Variants in DPP6 observed in about 807,000 individuals in gnomAD.
DPP6 encodes dipeptidyl peptidase like 6, also known as A-type potassium channel modulatory protein DPP6.
DPP6 carries 69 observed loss-of-function variants against 122.6 expected under a neutral mutation model. The ratio of observed to expected loss-of-function variants is 0.56; its 90% CI spans 0.46 to 0.69. The LOEUF is 0.69. Ranked by LOEUF, DPP6 falls within the 30% of genes least tolerant of loss-of-function variation. The probability of loss-of-function intolerance (pLI) is 0.00; values close to 1 mark genes in which losing one functional copy is unlikely to be tolerated. For synonymous variants in DPP6, 418 were observed against 433.1 expected (o/e 0.97, Z 0.43); for missense variants, 928 against 1,116.9 (o/e 0.83, Z 2.41).
At chr7:154,031,846 T>G (rs540367985) in intron 1 of DPP6, among the ~76,000 whole-genome samples, 1 of 149,114 alleles carries the variant, frequency 6.7e-6, no homozygotes, top group East Asian at 2.0e-4. Flanking sequence ...GTCTCATTCT[T>G]TTTTCCTTTT....
chr7:154,885,887 G>A (rs1806111408), intron 22 of DPP6, 143 bp downstream of exon 22: 3 of 1,151,478 alleles, frequency 2.6e-6, no homozygotes, highest in African/African-American at 1.5e-5. Context: ...ACCTTGGGCT[G>A]ATGGAAGAAC....
intron 10 of DPP6, among the ~76,000 whole-genome samples, chr7:154,788,443 CA>C (rs11364637): frequency 0.3 from 33,668 of 111,830 alleles, 4,112 homozygotes; most frequent in African/African-American, 0.44. Flanking sequence ...GACTCTGCCT[CA>C]AAAAAAAAAA....
chr7:154,510,354 C>A (rs1394961526), intron 3 of DPP6, among the ~76,000 whole-genome samples: 1 of 152,130 alleles, frequency 6.6e-6, no homozygotes, highest in Non-Finnish European at 1.5e-5. Flanking sequence ...AACCTCAGAA[C>A]TTAAAAATCA....
chr7:154,238,835 G>A (rs529152814), intron 1 of DPP6, among the ~76,000 whole-genome samples: 1 of 152,268 alleles, frequency 6.6e-6, no homozygotes, highest in African/African-American at 2.4e-5. Flanking sequence ...AAAAACCCAA[G>A]GCCCAGAGAC....
intron 1 of DPP6, among the ~76,000 whole-genome samples, chr7:154,293,914 C>T (rs1197132088): frequency 2.6e-5 from 4 of 152,100 alleles, no homozygotes; most frequent in Non-Finnish European, 5.9e-5. Context: ...GTGCTAAGCG[C>T]ACACAGGATG....
chr7:154,356,251 A>G (rs1005477703), intron 1 of DPP6, among the ~76,000 whole-genome samples: 4 of 152,168 alleles, frequency 2.6e-5, no homozygotes, highest in Non-Finnish European at 4.4e-5. Context: ...AAAACTTGGC[A>G]TTTTATTTTA....
intron 1 of DPP6, among the ~76,000 whole-genome samples, chr7:154,024,808 A>C (rs1366963060): frequency 1.3e-5 from 2 of 152,030 alleles, no homozygotes; most frequent in Non-Finnish European, 1.5e-5. Flanking sequence ...TTCTCCTCCT[A>C]CTTTTCTCGC....
At chr7:153,805,196 C>A in the DPP6 span, among the ~76,000 whole-genome samples, 2 of 152,120 alleles carry the variant, frequency 1.3e-5, no homozygotes, top group African/African-American at 4.8e-5. Context: ...AATGTTGTTT[C>A]TTTTTCATTG....
At chr7:154,852,738 A>T (rs1802510588) in intron 16 of DPP6, among the ~76,000 whole-genome samples, 1 of 152,250 alleles carries the variant, frequency 6.6e-6, no homozygotes, top group South Asian at 2.1e-4. Flanking sequence ...TATGCTGATC[A>T]TTACATATTA....
chr7:154,409,366 T>C (rs572562326), intron 1 of DPP6, among the ~76,000 whole-genome samples: 12 of 152,244 alleles, frequency 7.9e-5, no homozygotes, highest in Middle Eastern at 3.4e-3. Flanking sequence ...AGGCCGCAGA[T>C]GAAAAGAGTC....
chr7:154,212,191 A>C (rs1183992773), intron 1 of DPP6, among the ~76,000 whole-genome samples: 2 of 152,186 alleles, frequency 1.3e-5, no homozygotes, highest in African/African-American at 4.8e-5. Context: ...AGAAAACGTT[A>C]GTGAGTCTTA....
intron 1 of DPP6, among the ~76,000 whole-genome samples, chr7:154,384,457 C>T (rs1813902080): frequency 6.6e-6 from 1 of 152,058 alleles, no homozygotes; most frequent in Non-Finnish European, 1.5e-5. Flanking sequence ...AGCAGGCATT[C>T]CCTGCAGTGG....
At chr7:154,108,020 G>A (rs1806297132) in intron 1 of DPP6, among the ~76,000 whole-genome samples, 1 of 152,122 alleles carries the variant, frequency 6.6e-6, no homozygotes, top group African/African-American at 2.4e-5. Context: ...TAATTCATGG[G>A]GACTGGACAA....
the DPP6 span, among the ~76,000 whole-genome samples, chr7:153,803,257 C>A: frequency 6.7e-6 from 1 of 148,826 alleles, no homozygotes; most frequent in Admixed American, 6.7e-5. Flanking sequence ...ATGTGTCAAC[C>A]TGAGTGGGAT....
At chr7:154,332,849 G>A (rs6948456) in intron 1 of DPP6, among the ~76,000 whole-genome samples, 64,443 of 152,066 alleles carry the variant, frequency 0.42, 15,826 homozygotes, top group East Asian at 0.7. Flanking sequence ...CACTCACCGT[G>A]CCCGCCCAGT....
intron 1 of DPP6, among the ~76,000 whole-genome samples, chr7:154,199,107 C>T (rs1362181931): frequency 6.6e-6 from 1 of 151,796 alleles, no homozygotes. Flanking sequence ...GGAGCCCTGG[C>T]CCCTGAGTCA....
At chr7:154,067,504 T>A (rs1585304208) in intron 1 of DPP6, among the ~76,000 whole-genome samples, 1 of 151,772 alleles carries the variant, frequency 6.6e-6, no homozygotes, top group South Asian at 2.1e-4. Context: ...TTCAGGGAGG[T>A]ATGTGGGCCT....
intron 7 of DPP6, among the ~76,000 whole-genome samples, chr7:154,723,309 A>G (rs575952482): frequency 1.3e-5 from 2 of 152,308 alleles, no homozygotes; most frequent in African/African-American, 4.8e-5. Flanking sequence ...ACTCTTCTTT[A>G]TAGCTTGTTC....
chr7:154,881,160 A>G, intron 21 of DPP6: 3 of 777,342 alleles, frequency 3.9e-6, no homozygotes, highest in African/African-American at 1.8e-5. Flanking sequence ...TCTGGAAGGA[A>G]AGAGAAGGGA....
Sources: gnomAD v4.1 joint callset for allele counts (sites outside exome capture counted in the v4.1 genomes callset) on GRCh38, gnomAD v4.1.1 for gene constraint, MANE v1.5 for transcripts, NCBI Gene and HGNC (gene_info 2026-07-23, HGNC 2026-07-21) for gene names.